The following ZNF135 variants were observed in gnomAD, a reference collection of about 807,000 sequenced individuals.
ZNF135 encodes zinc finger protein 135 (clone pHZ-17).
ZNF135 carries 11 observed loss-of-function variants against 12.3 expected under a neutral mutation model. The ratio of observed to expected loss-of-function variants is 0.89; its 90% CI spans 0.56 to 1.48. The LOEUF (loss-of-function observed/expected upper bound fraction) is 1.48. Ranked by LOEUF, ZNF135 falls within the 40% of genes most tolerant of loss-of-function variation. The pLI is 0.00. For missense variants in ZNF135, 722 were observed against 815.7 expected (o/e 0.89, Z 1.40); for synonymous variants, 316 against 312.0 (o/e 1.01, Z -0.14).
chr19:58,062,057 C>T (rs1169902124), intron 3 of ZNF135, among the ~76,000 whole-genome samples: 1 of 152,180 alleles, frequency 6.6e-6, no homozygotes, highest in African/African-American at 2.4e-5. Flanking sequence ...GTTAGGGCTG[C>T]TAAAATACCT....
In ZNF135 at chr19:58,060,313, T is replaced by C; in HGVS notation, c.33+278T>C. On this transcript the variant is annotated intron_variant, in intron 2 of 4. Coordinates refer to ENST00000313434, the MANE Select transcript of ZNF135 (RefSeq NM_001289401.2). This position sits in a 1 kb window ranked among gnomAD's most constrained non-coding sequence, Gnocchi z 4.9. ...CTAGCCTCTACTCGTGTCCGGCCTC[T>C]ACCTGCACACCCGGCCTCCTAAAGT... is the stretch of plus-strand genomic sequence containing the variant. The C allele has an allele frequency of 7.4e-7, 1 of 1,347,842 alleles. No individual in the cohort carries two copies. Among genetic ancestry groups the C allele is most frequent in the African/African-American group, 1.5e-5 (1 of 67,202 alleles). The allele number at this position is 1,347,842 out of a possible 1,614,324, so 83.5% of individuals were successfully genotyped here. A position where few individuals can be genotyped will look rare whatever the true frequency, so the allele number is the denominator to read the frequency against.
chr19:58,067,910 C>T lies in ZNF135; in HGVS notation c.1426C>T (p.Arg476Trp), dbSNP rs769186698. 63 of 1,599,664 alleles carry T rather than the reference C, an allele frequency of 3.9e-5. No homozygotes were observed. Among genetic ancestry groups the T allele is most frequent in the Middle Eastern group, 1.7e-4 (1 of 5,934 alleles). The change falls in exon 5 of 5, where the codon CGG becomes TGG. Residue 476 changes from arginine (R) to tryptophan (W), a missense_variant. Physicochemically the swap from Arg to Trp is moderately radical, Grantham distance 101. Coordinates refer to ENST00000313434, the MANE Select transcript of ZNF135 (RefSeq NM_001289401.2). The stretch of plus-strand genomic sequence containing the variant: ...GTGCAGTCAGTGTGGGAAGGCCTTC[C>T]GGCAGAGCACACACCTCACCCAACA... Reference protein sequence around the residue: ...YECSQCGKAFRQSTHLTQHQR... With the variant: ...YECSQCGKAFWQSTHLTQHQR...
At position 58,059,963 on chromosome 19, in the gene ZNF135, CCA is replaced by C; in HGVS notation, c.-34-3_-34-2del. 1 of 1,612,738 alleles carries C rather than the reference CCA, an allele frequency of 6.2e-7. No homozygotes were observed. Among genetic ancestry groups the C allele is most frequent in the Non-Finnish European group, 8.5e-7 (1 of 1,179,728 alleles). ...GCCCCAGCTGCTCACCTCCCCTTTC[CCA>C]CAGAGCAGGGCCAGCCGTTCCTGCC... is the stretch of plus-strand genomic sequence containing the variant. On this transcript the variant is annotated splice_polypyrimidine_tract_variant and splice_region_variant and intron_variant, in intron 1 of 4. Transcript: ENST00000313434. The surrounding 1 kb of genome is among the most constrained non-coding windows in gnomAD (Gnocchi z 6.5).
Position 58,059,847 on chromosome 19 carries a change from C to G in ZNF135, c.-34-122C>G, listed in dbSNP as rs897774593. ...GCCCCACACACAGCAGGCGCTTAAA[C>G]GGGTACGCGGGGCCCTGGACGGCTC... On this transcript the variant is annotated intron_variant, in intron 1 of 4. Coordinates refer to ENST00000313434, the MANE Select transcript of ZNF135 (RefSeq NM_001289401.2). This position sits in a 1 kb window ranked among gnomAD's most constrained non-coding sequence, Gnocchi z 6.5. 3.1e-5 allele frequency: 37 copies of G among 1,210,540 alleles called. No individual in the cohort carries two copies. Among genetic ancestry groups the G allele is most frequent in the Non-Finnish European group, 4.0e-5 (35 of 880,200 alleles). The allele number at this position is 1,210,540 out of a possible 1,614,324, so 75.0% of individuals were successfully genotyped here.
At position 58,068,993 on chromosome 19, in the gene ZNF135, C is replaced by G. The variant is rs2074125728; in HGVS notation, c.*532C>G. 1 of 158,406 alleles carries G rather than the reference C, an allele frequency of 6.3e-6. No individual in the cohort carries two copies. Among genetic ancestry groups the G allele is most frequent in the South Asian group, 1.8e-4 (1 of 5,498 alleles). The allele number at this position is 158,406 out of a possible 1,614,324, so 9.8% of individuals were successfully genotyped here. ...CAAATGACAGTATGGCAGAGTGTTCCAGAAATGAGAGTGGCATCTTTATGG... is the reference window on the plus strand; with the variant it reads ...CAAATGACAGTATGGCAGAGTGTTCGAGAAATGAGAGTGGCATCTTTATGG... On this transcript the variant is annotated 3_prime_UTR_variant, in exon 5 of 5. Transcript: ENST00000313434.
rs780000106 is a variant in ZNF135, at chr19:58,060,084, T to C, written c.33+49T>C. 6.2e-7 allele frequency: 1 copy of C among 1,609,922 alleles called. No homozygotes were observed. The highest frequency in any genetic ancestry group is 2.2e-5 in the East Asian group (1 of 44,804). ...CGTGTCCTCCACCTCGTGCCCGGCC[T>C]CCTCGCGCGCGGCCTTCTCACGCCC... On this transcript the variant is annotated intron_variant, in intron 2 of 4. Coordinates refer to ENST00000313434, the MANE Select transcript of ZNF135 (RefSeq NM_001289401.2). The surrounding 1 kb of genome is among the most constrained non-coding windows in gnomAD (Gnocchi z 4.9).
At position 58,068,606 on chromosome 19, in the gene ZNF135, G is replaced by A; in HGVS notation, c.*145G>A. 1 of 874,812 alleles carries A rather than the reference G, an allele frequency of 1.1e-6. No individual in the cohort carries two copies. Among genetic ancestry groups the A allele is most frequent in the East Asian group, 2.7e-5 (1 of 37,478 alleles). The allele number at this position is 874,812 out of a possible 1,614,324, so 54.2% of individuals were successfully genotyped here. On this transcript the variant is annotated 3_prime_UTR_variant, in exon 5 of 5. Coordinates refer to ENST00000313434, the MANE Select transcript of ZNF135 (RefSeq NM_001289401.2). ...CACTCCCCTCAGACACCCTCAGAGA[G>A]TTCACACTGATGGGAAATGACCATG...
In ZNF135 at chr19:58,067,801, A is replaced by G; in HGVS notation, c.1317A>G (p.Gly439=). The part of the protein sequence containing the change: ...RRIHTGEKPY[G]CNECGKTFSH... ...TTCACACAGGAGAGAAGCCCTATGG[A>G]TGCAACGAGTGTGGGAAAACCTTCA... is the stretch of plus-strand genomic sequence containing the variant. Residue 439 remains glycine, a synonymous_variant, in exon 5 of 5, where the codon GGA becomes GGG. Coordinates refer to ENST00000313434, the MANE Select transcript of ZNF135 (RefSeq NM_001289401.2). 2 of 1,613,202 alleles carry G rather than the reference A, an allele frequency of 1.2e-6. No individual in the cohort carries two copies. The highest frequency in any genetic ancestry group is 1.3e-5 in the African/African-American group (1 of 74,658).
intron 4 of ZNF135, among the ~76,000 whole-genome samples, chr19:58,064,406 A>G (rs185542808): frequency 1.8e-4 from 27 of 152,292 alleles, no homozygotes; most frequent in African/African-American, 4.8e-4. Context: ...AGACAGCAAG[A>G]CCAACCCCTC....
Position 58,061,664 on chromosome 19 carries a change from C to T in ZNF135, c.118C>T (p.Arg40Cys), listed in dbSNP as rs201605477. ...QLKPAQRTLY[R>C]DVMLDTFRLL... The stretch of plus-strand genomic sequence containing the variant: ...GAAGCCTGCCCAGAGGACCCTGTAC[C>T]GTGATGTAATGCTGGACACCTTCAG... The change falls in exon 3 of 5, where the codon CGT becomes TGT. Residue 40 changes from arginine (R) to cysteine (C), a missense_variant. Physicochemically the swap from Arg to Cys is radical, Grantham distance 180. Transcript: ENST00000313434. 8.5e-5 allele frequency: 137 copies of T among 1,613,112 alleles called. 1 individual carries two copies. The highest frequency in any genetic ancestry group is 1.2e-4 in the Admixed American group (7 of 59,884).
Position 58,059,441 on chromosome 19 carries a change from C to G in ZNF135, c.-35+131C>G, listed in dbSNP as rs1054426964. 1.0e-6 allele frequency: 1 copy of G among 996,912 alleles called. No homozygotes were observed. Among genetic ancestry groups the G allele is most frequent in the Non-Finnish European group, 1.4e-6 (1 of 722,470 alleles). The allele number at this position is 996,912 out of a possible 1,614,324, so 61.8% of individuals were successfully genotyped here. A position where few individuals can be genotyped will look rare whatever the true frequency, so the allele number is the denominator to read the frequency against. On this transcript the variant is annotated intron_variant, in intron 1 of 4. Coordinates refer to ENST00000313434, the MANE Select transcript of ZNF135 (RefSeq NM_001289401.2). The surrounding 1 kb of genome is among the most constrained non-coding windows in gnomAD (Gnocchi z 6.5). The stretch of plus-strand genomic sequence containing the variant: ...CAGCAGCGCGCGTCTGTGTGGAGTC[C>G]GTTTTGCTGCCCGGGGCCTGGGGAA...
In ZNF135 at chr19:58,063,903, A is replaced by G. The variant is rs2074024800; in HGVS notation, c.256+362A>G. ...GAGGGATAGCCTCTCCAAGGAGGTGACATGTGACTTGAAGCCTGAGCCATG... is the reference window on the plus strand; with the variant it reads ...GAGGGATAGCCTCTCCAAGGAGGTGGCATGTGACTTGAAGCCTGAGCCATG... On this transcript the variant is annotated intron_variant, in intron 4 of 4. Transcript: ENST00000313434. This position sits in a 1 kb window ranked among gnomAD's most constrained non-coding sequence, Gnocchi z 4.4. Among the ~76,000 whole-genome samples, 1 of 152,218 alleles carries G rather than the reference A, an allele frequency of 6.6e-6. No homozygotes were observed. The highest frequency in any genetic ancestry group is 2.1e-4 in the South Asian group (1 of 4,832).
rs545757287 is a variant in ZNF135 at position 58,062,741 on chromosome 19, G to A, written c.161-705G>A. On this transcript the variant is annotated intron_variant, in intron 3 of 4. Coordinates refer to ENST00000313434, the MANE Select transcript of ZNF135 (RefSeq NM_001289401.2). ...AGGGTCTTGTTCTCTTGCCCAGGGT[G>A]GAGTGCTGTGGCACAGTCATACTTA... Among the ~76,000 whole-genome samples the A allele has an allele frequency of 1.2e-4, 18 of 151,534 alleles. No homozygotes were observed. The South Asian group carries it at 1.5e-3, about 12-fold the overall frequency.
In ZNF135 at chr19:58,068,456, G is replaced by C. The variant is rs750927236; in HGVS notation, c.1972G>C (p.Gly658Arg). The stretch of plus-strand genomic sequence containing the variant: ...TACCAAGCACCAGAGAACTCACACT[G>C]GATAAACCCACTCCACATGTGCTGG... The part of the protein sequence containing the change: ...SLTKHQRTHT[G>R] The change falls in exon 5 of 5, where the codon GGA becomes CGA. Residue 658 changes from glycine to arginine, a missense_variant. Gly to Arg is a moderately radical substitution (Grantham distance 125). Transcript: ENST00000313434. 3.1e-6 allele frequency: 5 copies of C among 1,613,408 alleles called. No homozygotes were observed. The East Asian group carries it at 1.1e-4, about 36-fold the overall frequency.
chr19:58,068,730 T>C lies in ZNF135; in HGVS notation c.*269T>C, dbSNP rs934350187. 9 of 435,464 alleles carry C rather than the reference T, an allele frequency of 2.1e-5. No individual in the cohort carries two copies. The Admixed American group carries it at 2.3e-4, about 11-fold the overall frequency. The allele number at this position is 435,464 out of a possible 1,614,324, so 27.0% of individuals were successfully genotyped here. A position where few individuals can be genotyped will look rare whatever the true frequency, so the allele number is the denominator to read the frequency against. ...ACCTTCAGCCTTGAACGCCCATTAGTGCTATGTTATAGAACCTACAAAAAA... is the reference window on the plus strand; with the variant it reads ...ACCTTCAGCCTTGAACGCCCATTAGCGCTATGTTATAGAACCTACAAAAAA... On this transcript the variant is annotated 3_prime_UTR_variant, in exon 5 of 5. Transcript: ENST00000313434.
chr19:58,062,598 A>C (rs1305966596), intron 3 of ZNF135, among the ~76,000 whole-genome samples: 2 of 146,558 alleles, frequency 1.4e-5, no homozygotes, highest in Admixed American at 6.9e-5. Context: ...TCACCGTGTT[A>C]GCCAGGATGG....
At position 58,059,432 on chromosome 19, in the gene ZNF135, T is replaced by G; in HGVS notation, c.-35+122T>G. 1 of 1,086,694 alleles carries G rather than the reference T, an allele frequency of 9.2e-7. No homozygotes were observed. The highest frequency in any genetic ancestry group is 1.2e-6 in the Non-Finnish European group (1 of 802,068). The allele number at this position is 1,086,694 out of a possible 1,614,324, so 67.3% of individuals were successfully genotyped here. ...GCGAGTTTCCAGCAGCGCGCGTCTGTGTGGAGTCCGTTTTGCTGCCCGGGG... is the reference window on the plus strand; with the variant it reads ...GCGAGTTTCCAGCAGCGCGCGTCTGGGTGGAGTCCGTTTTGCTGCCCGGGG... On this transcript the variant is annotated intron_variant, in intron 1 of 4. Coordinates refer to ENST00000313434, the MANE Select transcript of ZNF135 (RefSeq NM_001289401.2). The surrounding 1 kb of genome is among the most constrained non-coding windows in gnomAD (Gnocchi z 6.5).
In ZNF135 at chr19:58,063,699, G is replaced by A. The variant is rs935126262; in HGVS notation, c.256+158G>A. ...ATTTTGCTGTGAGTGACGACACCAC[G>A]TCCTCATCTCCACTGAATTTATATT... On this transcript the variant is annotated intron_variant, in intron 4 of 4. Coordinates refer to ENST00000313434, the MANE Select transcript of ZNF135 (RefSeq NM_001289401.2). This position sits in a 1 kb window ranked among gnomAD's most constrained non-coding sequence, Gnocchi z 4.4. 81 of 1,416,190 alleles carry A rather than the reference G, an allele frequency of 5.7e-5. No individual in the cohort carries two copies. The highest frequency in any genetic ancestry group is 2.3e-4 in the Middle Eastern group (1 of 4,294). The allele number at this position is 1,416,190 out of a possible 1,614,324, so 87.7% of individuals were successfully genotyped here. A position where few individuals can be genotyped will look rare whatever the true frequency, so the allele number is the denominator to read the frequency against.
rs1438295866 is a variant in ZNF135, at chr19:58,065,678, TC to T, written c.257-1061del. The stretch of plus-strand genomic sequence containing the variant: ...TGATTACACAGGTCCACCCAGATAA[TC>T]CAGTGTAATTTCTCTATCTTAATGT... On this transcript the variant is annotated intron_variant, in intron 4 of 4. Transcript: ENST00000313434. The surrounding 1 kb of genome is among the most constrained non-coding windows in gnomAD (Gnocchi z 4.0). 6.6e-6 allele frequency among the ~76,000 whole-genome samples: 1 copy of T among 152,164 alleles called. No homozygotes were observed. The highest frequency in any genetic ancestry group is 1.5e-5 in the Non-Finnish European group (1 of 68,032).
Sources: gnomAD v4.1 joint callset for allele counts (sites outside exome capture counted in the v4.1 genomes callset) on GRCh38, gnomAD v4.1.1 for gene constraint, Gnocchi (gnomAD v3.1) non-coding constraint, MANE v1.5 for transcripts, NCBI Gene and HGNC (gene_info 2026-07-23, HGNC 2026-07-21) for gene names.